PSG5: variants seen among roughly 807,000 people sequenced by gnomAD.
PSG5 encodes the protein pregnancy-specific beta-1-glycoprotein 5.
Under a neutral mutation model 37.7 loss-of-function variants are expected in PSG5, and 53 were observed. The observed-to-expected ratio is 1.41, with a 90% CI of 1.13 to 1.77. The LOEUF is 1.77. Ranked by LOEUF, PSG5 falls within the 40% of genes most tolerant of loss-of-function variation. The probability of loss-of-function intolerance (pLI) is 0.00; values close to 1 mark genes in which losing one functional copy is unlikely to be tolerated. For synonymous variants in PSG5, 221 were observed against 155.4 expected, an observed-to-expected ratio of 1.42 and a Z score of -3.14; for missense variants, 547 against 405.2, an observed-to-expected ratio of 1.35 and a Z score of -3.00.
At chr19:43,183,520 GT>G (rs759334646) in intron 2 of PSG5, 6 of 522,534 alleles carry the variant, frequency 1.1e-5, no homozygotes, top group South Asian at 8.5e-5. Context: ...TTTCATGACA[GT>G]GACATGGGCA....
In PSG5 at chr19:43,184,792, G is replaced by T. The variant is rs761602044; in HGVS notation, c.420C>A (p.Phe140Leu). 2 of 1,612,244 alleles carry T rather than the reference G, an allele frequency of 1.2e-6. No individual in the cohort carries two copies. Among genetic ancestry groups the T allele is most frequent in the East Asian group, 4.5e-5 (2 of 44,864 alleles). Residue 140 changes from phenylalanine (F) to leucine (L), a missense_variant, in exon 2 of 6, where the codon TTC (phenylalanine) becomes TTA (leucine). Transcript: ENST00000342951. ...TGTGGAATCACTCACGGTATAAGTTGAAGGTGAAATATCCAGTTACTCCTC... is the reference window on the plus strand; with the variant it reads ...TGTGGAATCACTCACGGTATAAGTTTAAGGTGAAATATCCAGTTACTCCTC... ...RTRGVTGYFT[F>L]NLYLKLPKPY...
chr19:43,178,753 G>A lies in PSG5; in HGVS notation c.431-2605C>T, dbSNP rs1422746246. On this transcript the variant is annotated intron_variant, in intron 2 of 5. Transcript: ENST00000342951. ...TGTTTTGCCTGGGGCAGAAAGTCAT[G>A]GCCAGCTTTGATGTCCAGGGGTAAA... 5.0e-6 allele frequency: 8 copies of A among 1,597,616 alleles called. No individual in the cohort carries two copies. The African/African-American group carries it at 9.5e-5, about 19-fold the overall frequency.
chr19:43,174,793 T>C (rs1220933537), intron 4 of PSG5: 2 of 1,163,608 alleles, frequency 1.7e-6, no homozygotes, highest in East Asian at 3.4e-5. Flanking sequence ...CCTCGTCTCA[T>C]TTGGGGGAAA....
chr19:43,168,800 T>G (rs1423184255), intron 5 of PSG5, among the ~76,000 whole-genome samples: 1 of 151,690 alleles, frequency 6.6e-6, no homozygotes, highest in Non-Finnish European at 1.5e-5. Flanking sequence ...CCATTCAGCT[T>G]CTGTTTCTCA....
At position 43,175,957 on chromosome 19, in the gene PSG5, T is replaced by C; in HGVS notation, c.622A>G (p.Thr208Ala). Residue 208 changes from threonine to alanine, a missense_variant, in exon 3 of 6, where the codon ACG becomes GCG. By Grantham distance (58) the Thr-to-Ala change is moderately conservative. Transcript: ENST00000342951. ...TCATAGGGTCCTGTTTCATTTCTCG[T>C]GACACTGGGTAGAATGAGGATCCTG... ...ENRILILPSV[T>A]RNETGPYECE... The C allele has an allele frequency of 3.1e-6, 5 of 1,612,254 alleles. No individual in the cohort carries two copies. Among genetic ancestry groups the C allele is most frequent in the Non-Finnish European group, 4.2e-6 (5 of 1,179,186 alleles).
intron 2 of PSG5, chr19:43,183,461 T>A: frequency 1.9e-6 from 1 of 527,180 alleles, no homozygotes; most frequent in East Asian, 5.5e-5. Flanking sequence ...GGGCCTGTGC[T>A]GGAGCAGGGT....
chr19:43,186,527 A>C lies in PSG5; in HGVS notation c.-122T>G. 1 of 1,470,758 alleles carries C rather than the reference A, an allele frequency of 6.8e-7. No individual in the cohort carries two copies. Among genetic ancestry groups the C allele is most frequent in the Non-Finnish European group, 9.1e-7 (1 of 1,093,892 alleles). The allele number at this position is 1,470,758 out of a possible 1,614,324, so 91.1% of individuals were successfully genotyped here. ...GTGCTGAGCCTCTCTCCAGGGCAGGAGCACTTCTCAGGCTCATGGGTGGGG... is the reference window on the plus strand; with the variant it reads ...GTGCTGAGCCTCTCTCCAGGGCAGGCGCACTTCTCAGGCTCATGGGTGGGG... On this transcript the variant is annotated 5_prime_UTR_variant, in exon 1 of 6. Transcript: ENST00000342951.
intron 5 of PSG5, among the ~76,000 whole-genome samples, chr19:43,168,999 G>C (rs1968846634): frequency 6.6e-6 from 1 of 151,576 alleles, no homozygotes; most frequent in African/African-American, 2.4e-5. Flanking sequence ...TGTCAGGGAA[G>C]ACTTAAAAAT....
intron 3 of PSG5, 50 bp downstream of exon 3, chr19:43,175,820 T>C (rs1431198534): frequency 6.2e-7 from 1 of 1,606,032 alleles, no homozygotes; most frequent in Non-Finnish European, 8.5e-7. Flanking sequence ...CTTGTGGTCA[T>C]TTAGATTTAA....
chr19:43,184,291 T>A (rs1197449934), intron 2 of PSG5, among the ~76,000 whole-genome samples: 1 of 151,636 alleles, frequency 6.6e-6, no homozygotes, highest in Non-Finnish European at 1.5e-5. Context: ...AGACAGCTGG[T>A]AAATTCTTGG....
intron 5 of PSG5, 136 bp downstream of exon 5, chr19:43,169,919 A>T: frequency 1.8e-6 from 1 of 551,104 alleles, no homozygotes; most frequent in Non-Finnish European, 3.4e-6. Context: ...AACTGCAGGA[A>T]TTAGTTCTGA....
At chr19:43,183,968 C>T in intron 2 of PSG5, among the ~76,000 whole-genome samples, 1 of 151,660 alleles carries the variant, frequency 6.6e-6, no homozygotes, top group Non-Finnish European at 1.5e-5. Flanking sequence ...TGACCTAATG[C>T]TTGGCACAGT....
intron 5 of PSG5, among the ~76,000 whole-genome samples, chr19:43,169,601 A>G (rs1488555759): frequency 6.6e-6 from 1 of 151,648 alleles, no homozygotes; most frequent in African/African-American, 2.4e-5. Context: ...CAAATAGGCT[A>G]GAGTAGACCC....
intron 5 of PSG5, among the ~76,000 whole-genome samples, chr19:43,169,203 T>C (rs558614594): frequency 2.6e-5 from 4 of 151,844 alleles, no homozygotes; most frequent in African/African-American, 9.7e-5. Flanking sequence ...TTTCCTGTCT[T>C]AGGCTTTATG....
intron 4 of PSG5, chr19:43,171,346 A>C (rs1416200224): frequency 1.3e-5 from 2 of 152,180 alleles, no homozygotes; most frequent in African/African-American, 4.9e-5. Flanking sequence ...TGCAATTTTC[A>C]GGTGAGGAAT....
intron 4 of PSG5, among the ~76,000 whole-genome samples, chr19:43,172,711 A>G (rs1340069214): frequency 6.6e-6 from 1 of 151,702 alleles, no homozygotes; most frequent in African/African-American, 2.4e-5. Context: ...TCTACAAAAT[A>G]TTGCTGAAAG....
intron 2 of PSG5, among the ~76,000 whole-genome samples, chr19:43,182,071 A>G (rs943325311): frequency 2.0e-5 from 3 of 151,788 alleles, no homozygotes; most frequent in South Asian, 2.1e-4. Flanking sequence ...CTGGCTGGCT[A>G]TCCTCACTCA....
At chr19:43,170,381 G>T (rs2044610029) in intron 4 of PSG5, 9 of 543,300 alleles carry the variant, frequency 1.7e-5, no homozygotes, top group Non-Finnish European at 2.0e-5. Flanking sequence ...ATTTTGGAAG[G>T]CTTTCAGACA....
chr19:43,185,650 T>C lies in PSG5; in HGVS notation c.65-503A>G, dbSNP rs1367798827. The stretch of plus-strand genomic sequence containing the variant: ...GTGAGCTCTGTGAGGACAGGGACTT[T>C]TGTGATCTTGGTTGCACCCCAGTGC... On this transcript the variant is annotated intron_variant, in intron 1 of 5. Transcript: ENST00000342951. Among the ~76,000 whole-genome samples, 5 of 151,544 alleles carry C rather than the reference T, an allele frequency of 3.3e-5. 1 individual carries two copies. The highest frequency in any genetic ancestry group is 7.4e-5 in the Non-Finnish European group (5 of 67,858).
Sources: allele counts gnomAD v4.1 joint callset (sites outside exome capture counted in the v4.1 genomes callset), GRCh38; gene constraint gnomAD v4.1.1; transcripts MANE v1.5; gene names NCBI Gene and HGNC (gene_info 2026-07-23, HGNC 2026-07-21).